SEMA5B: variants seen among roughly 807,000 people sequenced by gnomAD.
The protein encoded by SEMA5B is semaphorin-5B.
A neutral mutation model predicts 135.0 loss-of-function variants in SEMA5B; 66 were observed. The observed-to-expected ratio is 0.49, with a 90% CI of 0.40 to 0.60. The LOEUF is 0.60. Ranked by LOEUF, SEMA5B falls within the 20% of genes least tolerant of loss-of-function variation. The pLI is 0.00. For missense variants in SEMA5B, 1,501 were observed against 1,566.3 expected (o/e 0.96, Z 0.70); for synonymous variants, 690 against 639.5 (o/e 1.08, Z -1.19).
At chr3:123,000,325 G>T (rs984070149) in intron 1 of SEMA5B, among the ~76,000 whole-genome samples, 2 of 152,188 alleles carry the variant, frequency 1.3e-5, no homozygotes, top group Admixed American at 1.3e-4. Flanking sequence ...AGGTCCCAGA[G>T]GTGGTGCAGG....
chr3:122,939,636 C>T (rs1013415755), intron 4 of SEMA5B, among the ~76,000 whole-genome samples, 166 bp from the exon 5 acceptor site: 1 of 152,190 alleles, frequency 6.6e-6, no homozygotes, highest in African/African-American at 2.4e-5. Flanking sequence ...AATCTTCACA[C>T]AACCCTGGGA....
intron 1 of SEMA5B, chr3:122,992,974 C>T (rs529150343): frequency 6.6e-6 from 1 of 152,406 alleles, no homozygotes; most frequent in South Asian, 2.1e-4. Context: ...CCTGGGGCCA[C>T]AGGCACACCG....
At chr3:123,010,990 T>C (rs1275872549) in intron 1 of SEMA5B, among the ~76,000 whole-genome samples, 1 of 152,008 alleles carries the variant, frequency 6.6e-6, no homozygotes, top group Non-Finnish European at 1.5e-5. Flanking sequence ...GACATTTCTG[T>C]GAAGATGGGG....
At chr3:122,935,898 G>A (rs1488133435) in intron 5 of SEMA5B, among the ~76,000 whole-genome samples, 1 of 151,536 alleles carries the variant, frequency 6.6e-6, no homozygotes, top group East Asian at 1.9e-4. Flanking sequence ...TCACCACGTT[G>A]GCCAGGCTGG....
At chr3:122,989,652 G>A (rs777608015) in intron 1 of SEMA5B, among the ~76,000 whole-genome samples, 2 of 152,238 alleles carry the variant, frequency 1.3e-5, no homozygotes, top group African/African-American at 2.4e-5. Flanking sequence ...CAGCTCTGTC[G>A]TGGGGCCATG....
At chr3:122,922,204 C>T in intron 11 of SEMA5B, 36 bp downstream of exon 11, 1 of 1,589,198 alleles carries the variant, frequency 6.3e-7, no homozygotes, top group Non-Finnish European at 8.6e-7. Context: ...CAACCCACCC[C>T]CGACCTGCAG....
chr3:122,997,120 T>C (rs1484881045), intron 1 of SEMA5B, among the ~76,000 whole-genome samples: 2 of 152,230 alleles, frequency 1.3e-5, no homozygotes, highest in African/African-American at 4.8e-5. Context: ...GGCACTATGG[T>C]TTGTAAACTG....
At chr3:122,960,948 A>C (rs907286902) in intron 2 of SEMA5B, among the ~76,000 whole-genome samples, 192 bp downstream of exon 2, 1 of 152,216 alleles carries the variant, frequency 6.6e-6, no homozygotes, top group African/African-American at 2.4e-5. Flanking sequence ...GTGGACTTAA[A>C]AAGGGTTAAA....
chr3:123,025,603 T>G (rs1942779851), intron 1 of SEMA5B, among the ~76,000 whole-genome samples: 1 of 152,160 alleles, frequency 6.6e-6, no homozygotes, highest in Non-Finnish European at 1.5e-5. Context: ...GGATGGAAGA[T>G]CTGCCATTCC....
intron 1 of SEMA5B, among the ~76,000 whole-genome samples, chr3:123,000,744 G>A (rs567034971): frequency 6.6e-6 from 1 of 152,096 alleles, no homozygotes; most frequent in Non-Finnish European, 1.5e-5. Flanking sequence ...CTTAACAGGG[G>A]AGCCATGGCA....
At chr3:123,020,302 A>G (rs1942648760) in intron 1 of SEMA5B, among the ~76,000 whole-genome samples, 1 of 152,270 alleles carries the variant, frequency 6.6e-6, no homozygotes, top group South Asian at 2.1e-4. Context: ...AATTATCACA[A>G]TATGCTGTTA....
Position 122,912,075 on chromosome 3 carries a change from G to A in SEMA5B, c.2897-6C>T, listed in dbSNP as rs752236822. 6 of 1,607,486 alleles carry A rather than the reference G, an allele frequency of 3.7e-6. No homozygotes were observed. The highest frequency in any genetic ancestry group is 5.1e-6 in the Non-Finnish European group (6 of 1,175,038). On this transcript the variant is annotated splice_region_variant and splice_polypyrimidine_tract_variant and intron_variant, in intron 19 of 22. Transcript: ENST00000357599. ...AGACCAGGGCGACCAGCCTTCTGGG[G>A]ATTGTGGGTAGGATGAGGTTAACTG...
At chr3:122,943,569 T>C (rs1315176536) in intron 3 of SEMA5B, 34 bp from the exon 4 acceptor site, 1 of 1,481,684 alleles carries the variant, frequency 6.7e-7, no homozygotes, top group South Asian at 1.2e-5. Context: ...GTGGTTACTG[T>C]TGGGCCAGAG....
chr3:122,998,845 G>A (rs1052606575), intron 1 of SEMA5B, among the ~76,000 whole-genome samples: 2 of 152,210 alleles, frequency 1.3e-5, no homozygotes, highest in Non-Finnish European at 2.9e-5. Flanking sequence ...ACCTAATTGT[G>A]TTCCCACTAA....
At chr3:122,991,003 C>T (rs1941857106) in intron 1 of SEMA5B, among the ~76,000 whole-genome samples, 1 of 152,198 alleles carries the variant, frequency 6.6e-6, no homozygotes, top group Admixed American at 6.5e-5. Flanking sequence ...CTCACACATG[C>T]TCCGGATGCT....
intron 1 of SEMA5B, among the ~76,000 whole-genome samples, chr3:123,011,173 C>T (rs1192237638): frequency 3.3e-5 from 5 of 152,194 alleles, no homozygotes; most frequent in Non-Finnish European, 5.9e-5. Flanking sequence ...CCCATCAGAG[C>T]GGCAGAGGAA....
chr3:123,011,990 C>T (rs1942446693), intron 1 of SEMA5B, among the ~76,000 whole-genome samples: 1 of 152,200 alleles, frequency 6.6e-6, no homozygotes, highest in African/African-American at 2.4e-5. Context: ...ATTTCCCGGG[C>T]TCTGTCTGGC....
intron 5 of SEMA5B, among the ~76,000 whole-genome samples, chr3:122,938,614 C>G (rs1359947498): frequency 1.3e-5 from 2 of 152,230 alleles, no homozygotes; most frequent in African/African-American, 2.4e-5. Context: ...AGGCCAGAGA[C>G]TCTGCATTTC....
chr3:122,974,785 A>G (rs1941257032), intron 1 of SEMA5B, among the ~76,000 whole-genome samples: 2 of 152,190 alleles, frequency 1.3e-5, no homozygotes, highest in Admixed American at 6.5e-5. Context: ...TGCTTAATGA[A>G]TGTCTCTCTT....
Sources: allele counts gnomAD v4.1 joint callset (sites outside exome capture counted in the v4.1 genomes callset), GRCh38; gene constraint gnomAD v4.1.1; transcripts MANE v1.5; gene names NCBI Gene and HGNC (gene_info 2026-07-23, HGNC 2026-07-21).